The following HS3ST2 variants were observed in gnomAD, a reference collection of about 807,000 sequenced individuals.
HS3ST2 encodes heparan sulfate glucosamine 3-O-sulfotransferase 2.
In HS3ST2, 17 loss-of-function variants were observed where a neutral mutation model predicts 26.3. The observed-to-expected ratio is 0.65, with a 90% confidence interval of 0.44 to 0.97. The LOEUF (loss-of-function observed/expected upper bound fraction) is 0.97. Ranked by LOEUF, HS3ST2 falls within the 50% of genes least tolerant of loss-of-function variation. The pLI is 0.00. For missense variants in HS3ST2, 402 were observed against 501.2 expected (o/e 0.80, Z 1.89); for synonymous variants, 237 against 219.2 (o/e 1.08, Z -0.72).
intron 1 of HS3ST2, among the ~76,000 whole-genome samples, chr16:22,904,534 A>T (rs1902323711): frequency 6.6e-6 from 1 of 152,184 alleles, no homozygotes; most frequent in Admixed American, 6.5e-5. Flanking sequence ...GAAGGGAGAA[A>T]TAATAAGGGC....
At chr16:22,847,434 A>G (rs927482496) in intron 1 of HS3ST2, among the ~76,000 whole-genome samples, 2 of 152,220 alleles carry the variant, frequency 1.3e-5, no homozygotes, top group Non-Finnish European at 2.9e-5. Context: ...AGACATTTAG[A>G]TAAATATCAT....
chr16:22,821,175 T>C (rs892210107), intron 1 of HS3ST2, among the ~76,000 whole-genome samples: 1 of 152,036 alleles, frequency 6.6e-6, no homozygotes, highest in African/African-American at 2.4e-5. Flanking sequence ...GTGGGGCTGG[T>C]ACTCACAGGA....
At chr16:22,866,884 A>G (rs1363916996) in intron 1 of HS3ST2, among the ~76,000 whole-genome samples, 1 of 152,198 alleles carries the variant, frequency 6.6e-6, no homozygotes, top group African/African-American at 2.4e-5. Context: ...GAGTAAGTAC[A>G]GGGCCTGGCA....
At chr16:22,872,512 A>G (rs1295106426) in intron 1 of HS3ST2, among the ~76,000 whole-genome samples, 1 of 152,226 alleles carries the variant, frequency 6.6e-6, no homozygotes, top group Admixed American at 6.5e-5. Context: ...AAATGAGGAA[A>G]TTGGGCAACA....
At chr16:22,855,484 T>C (rs918177394) in intron 1 of HS3ST2, among the ~76,000 whole-genome samples, 3 of 152,210 alleles carry the variant, frequency 2.0e-5, no homozygotes, top group Non-Finnish European at 4.4e-5. Context: ...CAAGAATTCC[T>C]GCTGCCTTGG....
intron 1 of HS3ST2, among the ~76,000 whole-genome samples, chr16:22,843,156 ATGTGTG>A (rs398038424): frequency 6.7e-6 from 1 of 150,022 alleles, no homozygotes; most frequent in Non-Finnish European, 1.5e-5. Context: ...AGATGTATGT[ATGTGTG>A]TGTGTGTGTG....
chr16:22,844,691 C>T (rs891064500), intron 1 of HS3ST2, among the ~76,000 whole-genome samples: 2 of 152,072 alleles, frequency 1.3e-5, no homozygotes, highest in Admixed American at 6.6e-5. Context: ...TTGCTCTTCT[C>T]TCTCTCTTCC....
intron 1 of HS3ST2, among the ~76,000 whole-genome samples, chr16:22,825,319 C>T (rs898341699): frequency 2.0e-5 from 3 of 152,138 alleles, no homozygotes; most frequent in Non-Finnish European, 4.4e-5. Flanking sequence ...GTATTAAAAG[C>T]CTGTTAGTTG....
rs1427309050 is a variant in HS3ST2 at position 22,859,597 on chromosome 16, AAAGGGGTTCTTTCT to A, written c.485+44504_485+44517del. Among the ~76,000 whole-genome samples the A allele has an allele frequency of 4.6e-5, 7 of 152,318 alleles. No individual in the cohort carries two copies. In the Middle Eastern group the frequency reaches 0.014, roughly 296 times the overall value. ...ATCTCAAAGGCTTCCTTCTTGGGCC[AAAGGGGTTCTTTCT>A]AGACAGAGTTGCTTTCTTAGCCCAT... is the stretch of plus-strand genomic sequence containing the variant. On this transcript the variant is annotated intron_variant, in intron 1 of 1. Coordinates refer to ENST00000261374, the MANE Select transcript of HS3ST2 (RefSeq NM_006043.2).
chr16:22,844,295 C>T (rs1328726844), intron 1 of HS3ST2, among the ~76,000 whole-genome samples: 1 of 152,102 alleles, frequency 6.6e-6, no homozygotes, highest in Non-Finnish European at 1.5e-5. Context: ...GACACAAGCT[C>T]AGGGTTTCAA....
At chr16:22,881,446 T>C (rs554121076) in intron 1 of HS3ST2, among the ~76,000 whole-genome samples, 15 of 152,308 alleles carry the variant, frequency 9.8e-5, no homozygotes, top group South Asian at 2.1e-4. Context: ...CCCCTTCTCC[T>C]GTTTCCTCAT....
At chr16:22,856,082 A>G (rs1485871729) in intron 1 of HS3ST2, among the ~76,000 whole-genome samples, 4 of 152,222 alleles carry the variant, frequency 2.6e-5, no homozygotes, top group Admixed American at 6.5e-5. Context: ...ATAGACATAC[A>G]TTACAGAAGA....
chr16:22,844,419 C>A (rs917022191), intron 1 of HS3ST2, among the ~76,000 whole-genome samples: 2 of 152,184 alleles, frequency 1.3e-5, no homozygotes, highest in African/African-American at 2.4e-5. Flanking sequence ...GGGTGGCAAC[C>A]TTTATAAGAT....
At chr16:22,886,301 A>G (rs1902057270) in intron 1 of HS3ST2, among the ~76,000 whole-genome samples, 1 of 152,228 alleles carries the variant, frequency 6.6e-6, no homozygotes, top group Admixed American at 6.5e-5. Context: ...ATGGGCAGAA[A>G]ACCTTTCTTG....
chr16:22,892,980 T>A (rs1265596596), intron 1 of HS3ST2, among the ~76,000 whole-genome samples: 1 of 152,230 alleles, frequency 6.6e-6, no homozygotes, highest in African/African-American at 2.4e-5. Flanking sequence ...TGTCGAACAT[T>A]ATGATTTTCC....
Position 22,814,162 on chromosome 16 carries a change from G to T in HS3ST2, c.-449G>T, listed in dbSNP as rs935060344. On this transcript the variant is annotated 5_prime_UTR_variant, in exon 1 of 2. Transcript: ENST00000261374. The stretch of plus-strand genomic sequence containing the variant: ...ATAGAGCCGGCAGCGCGCTCCGCTC[G>T]GCATTTCCCGAAGAGCCAGATCGCG... 2 of 158,660 alleles carry T rather than the reference G, an allele frequency of 1.3e-5. No homozygotes were observed. Among genetic ancestry groups the T allele is most frequent in the Non-Finnish European group, 2.7e-5 (2 of 72,900 alleles). The allele number at this position is 158,660 out of a possible 1,614,324, so 9.8% of individuals were successfully genotyped here.
Position 22,869,020 on chromosome 16 carries a change from C to T in HS3ST2, c.486-45924C>T, listed in dbSNP as rs576786703. On this transcript the variant is annotated intron_variant, in intron 1 of 1. Coordinates refer to ENST00000261374, the MANE Select transcript of HS3ST2 (RefSeq NM_006043.2). Reference sequence around the variant, plus strand: ...TTATGATGGGCCTGTTTGTGATCCTCTGAACAGCAGTGGGACCTACAATGA... The same window carrying T: ...TTATGATGGGCCTGTTTGTGATCCTTTGAACAGCAGTGGGACCTACAATGA... 2.6e-5 allele frequency among the ~76,000 whole-genome samples: 4 copies of T among 151,890 alleles called. No homozygotes were observed. In the East Asian group the frequency reaches 5.8e-4, roughly 22 times the overall value.
chr16:22,838,177 C>T (rs9933364), intron 1 of HS3ST2, among the ~76,000 whole-genome samples: 2,724 of 152,038 alleles, frequency 0.018, 82 homozygotes, highest in African/African-American at 0.061. Context: ...TGCAAAAATC[C>T]CTCTGTGTGG....
At chr16:22,913,753 C>A (rs373821788) in intron 1 of HS3ST2, among the ~76,000 whole-genome samples, 92 of 152,288 alleles carry the variant, frequency 6.0e-4, no homozygotes, top group African/African-American at 2.0e-3. Flanking sequence ...ATGGTCCCAG[C>A]ACTTTGAGAA....
Sources: allele counts gnomAD v4.1 joint callset (sites outside exome capture counted in the v4.1 genomes callset), GRCh38; gene constraint gnomAD v4.1.1; transcripts MANE v1.5; gene names NCBI Gene and HGNC (gene_info 2026-07-23, HGNC 2026-07-21).